CLASP1: variants seen among roughly 807,000 people sequenced by gnomAD.
The protein encoded by CLASP1 is CLIP-associating protein 1.
In CLASP1, 38 loss-of-function variants were observed where a neutral mutation model predicts 192.3. The observed-to-expected ratio is 0.20, with a 90% CI of 0.15 to 0.26. The LOEUF (loss-of-function observed/expected upper bound fraction) is 0.26, where lower values mean the gene tolerates loss of function less well. Ranked by LOEUF, CLASP1 falls within the 10% of genes least tolerant of loss-of-function variation. CLASP1 has a pLI of 1.00. For missense variants in CLASP1, 1,433 were observed against 1,932.5 expected (o/e 0.74, Z 4.85); for synonymous variants, 691 against 712.8 (o/e 0.97, Z 0.49).
At chr2:121,419,023 C>T (rs1032462225) in intron 22 of CLASP1, among the ~76,000 whole-genome samples, 2 of 152,160 alleles carry the variant, frequency 1.3e-5, no homozygotes, top group Admixed American at 6.5e-5. Context: ...GAACAACAAA[C>T]TGTCATCAGA....
chr2:121,617,388 TC>T lies in CLASP1; in HGVS notation c.-285-11209del, dbSNP rs1473893265. ...AATCACTCATCTTACAAAGGCCCTCTCTTGAGCTCACATGCCTTTCATCAAT... is the reference window on the plus strand; with the variant it reads ...AATCACTCATCTTACAAAGGCCCTCTTTGAGCTCACATGCCTTTCATCAAT... On this transcript the variant is annotated intron_variant, in intron 1 of 39. Transcript: ENST00000263710. 2.0e-5 allele frequency among the ~76,000 whole-genome samples: 3 copies of T among 152,172 alleles called. No individual in the cohort carries two copies. The South Asian group carries it at 6.2e-4, about 32-fold the overall frequency.
At chr2:121,546,915 TC>T (rs2057496937) in intron 2 of CLASP1, among the ~76,000 whole-genome samples, 1 of 152,148 alleles carries the variant, frequency 6.6e-6, no homozygotes, top group Admixed American at 6.5e-5. Context: ...AACTGAGGTC[TC>T]CAACCACCAC....
intron 1 of CLASP1, among the ~76,000 whole-genome samples, chr2:121,637,644 G>C (rs2071146149): frequency 2.0e-5 from 3 of 152,166 alleles, no homozygotes; most frequent in Admixed American, 2.0e-4. Flanking sequence ...GCAGCACTTT[G>C]GGAAGCCAAG....
intron 34 of CLASP1, among the ~76,000 whole-genome samples, chr2:121,376,566 T>C (rs2070256615): frequency 1.3e-5 from 2 of 152,156 alleles, no homozygotes; most frequent in South Asian, 2.1e-4. Flanking sequence ...GGTTAATAGC[T>C]GCAAAATTGC....
chr2:121,474,749 A>G (rs557956382), intron 8 of CLASP1, among the ~76,000 whole-genome samples: 1 of 152,170 alleles, frequency 6.6e-6, no homozygotes, highest in African/African-American at 2.4e-5. Context: ...TAAAAAAGAG[A>G]AGGAGGAAAG....
chr2:121,503,617 A>T (rs1413120321), intron 7 of CLASP1, among the ~76,000 whole-genome samples: 1 of 152,216 alleles, frequency 6.6e-6, no homozygotes, highest in Non-Finnish European at 1.5e-5. Context: ...CTTAGCGCAG[A>T]CTATCAATAA....
chr2:121,619,308 T>C (rs781304370), intron 1 of CLASP1, among the ~76,000 whole-genome samples: 1 of 152,236 alleles, frequency 6.6e-6, no homozygotes, highest in Non-Finnish European at 1.5e-5. Context: ...CCAAATTTTT[T>C]CTATGATGAA....
At chr2:121,541,897 T>C (rs2095242397) in intron 2 of CLASP1, among the ~76,000 whole-genome samples, 1 of 152,214 alleles carries the variant, frequency 6.6e-6, no homozygotes, top group Admixed American at 6.5e-5. Flanking sequence ...GAGCAGCACT[T>C]TTAAAAATAA....
chr2:121,610,963 G>C lies in CLASP1; in HGVS notation c.-285-4783C>G, dbSNP rs546294321. On this transcript the variant is annotated intron_variant, in intron 1 of 39. Transcript: ENST00000263710. ...GGAGGAAGAGGAACTGGAGGAGGAGGAGGAGTTATAGGAGGAAGAGGAACT... is the reference window on the plus strand; with the variant it reads ...GGAGGAAGAGGAACTGGAGGAGGAGCAGGAGTTATAGGAGGAAGAGGAACT... 1.6e-4 allele frequency among the ~76,000 whole-genome samples: 24 copies of C among 149,832 alleles called. No individual in the cohort carries two copies. The South Asian group carries it at 1.7e-3, about 11-fold the overall frequency.
intron 33 of CLASP1, among the ~76,000 whole-genome samples, chr2:121,377,879 A>G (rs919301579): frequency 6.6e-6 from 1 of 152,236 alleles, no homozygotes; most frequent in Admixed American, 6.5e-5. Context: ...AATAAAAACC[A>G]GTGGGAAACA....
At chr2:121,427,582 T>C in intron 20 of CLASP1, 152 bp from the exon 21 acceptor site, 1 of 731,314 alleles carries the variant, frequency 1.4e-6, no homozygotes. Flanking sequence ...GTTCCTCCTA[T>C]TTTTGTACTT....
chr2:121,496,732 T>C (rs2093551366), intron 8 of CLASP1, among the ~76,000 whole-genome samples: 1 of 152,192 alleles, frequency 6.6e-6, no homozygotes, highest in South Asian at 2.1e-4. Flanking sequence ...ATTAGTCAGA[T>C]AATCGCCAAA....
At chr2:121,597,234 G>GA (rs1278850034) in intron 2 of CLASP1, among the ~76,000 whole-genome samples, 8 of 152,184 alleles carry the variant, frequency 5.3e-5, no homozygotes, top group Middle Eastern at 6.8e-3. Flanking sequence ...TGTAAAATGG[G>GA]AAAAATAATG....
At chr2:121,453,829 G>A (rs1391355115) in intron 14 of CLASP1, among the ~76,000 whole-genome samples, 2 of 152,186 alleles carry the variant, frequency 1.3e-5, no homozygotes, top group South Asian at 2.1e-4. Context: ...TCTACGAAGC[G>A]AAGCTAAGTA....
chr2:121,518,415 CA>C (rs1464264404), intron 6 of CLASP1, among the ~76,000 whole-genome samples: 1 of 151,904 alleles, frequency 6.6e-6, no homozygotes, highest in African/African-American at 2.4e-5. Flanking sequence ...AAGAGAGCCC[CA>C]ACCAGAACCC....
At chr2:121,540,096 T>C (rs539937657) in intron 2 of CLASP1, among the ~76,000 whole-genome samples, 1 of 152,338 alleles carries the variant, frequency 6.6e-6, no homozygotes, top group African/African-American at 2.4e-5. Flanking sequence ...TGCTAGGATA[T>C]AACCAACAGA....
intron 14 of CLASP1, among the ~76,000 whole-genome samples, chr2:121,452,660 G>A (rs1330356707): frequency 7.9e-5 from 12 of 151,980 alleles, no homozygotes; most frequent in Admixed American, 5.9e-4. Flanking sequence ...GCATGGTGGC[G>A]GGCGCCTGTA....
chr2:121,531,866 C>CAAA (rs11376040), intron 2 of CLASP1, among the ~76,000 whole-genome samples: 3 of 142,472 alleles, frequency 2.1e-5, no homozygotes, highest in Non-Finnish European at 4.7e-5. Flanking sequence ...GACTCGGTCT[C>CAAA]AAAAAAAAAA....
intron 8 of CLASP1, among the ~76,000 whole-genome samples, chr2:121,500,376 G>GAAAGA (rs1226142127): frequency 1.1e-5 from 1 of 94,672 alleles, no homozygotes; most frequent in East Asian, 3.1e-4. Context: ...AAGAAAGAAA[G>GAAAGA]AAAGAAAGAA....
Sources: gnomAD v4.1 joint callset for allele counts (sites outside exome capture counted in the v4.1 genomes callset) on GRCh38, gnomAD v4.1.1 for gene constraint, MANE v1.5 for transcripts, NCBI Gene and HGNC (gene_info 2026-07-23, HGNC 2026-07-21) for gene names.